COPS3: variants seen among roughly 807,000 people sequenced by gnomAD.
COPS3 encodes the protein COP9 signalosome subunit 3.
A neutral mutation model predicts 58.2 loss-of-function variants in COPS3; 10 were observed. That is an observed-to-expected ratio of 0.17 (90% CI 0.11 to 0.29). COPS3 has a LOEUF of 0.29. Among genes scored for constraint, COPS3 ranks in the 10% least tolerant of loss-of-function variants. The probability of loss-of-function intolerance (pLI) is 1.00; values close to 1 mark genes in which losing one functional copy is unlikely to be tolerated. For synonymous variants in COPS3, 187 were observed against 181.7 expected (o/e 1.03, Z -0.24); for missense variants, 333 against 510.1 (o/e 0.65, Z 3.34).
chr17:17,259,268 A>G (rs79396220), intron 8 of COPS3, among the ~76,000 whole-genome samples: 10,552 of 152,262 alleles, frequency 0.069, 463 homozygotes, highest in Middle Eastern at 0.12. Context: ...TGAACTATGC[A>G]TATCTGGCCA....
chr17:17,254,226 T>TA (rs2047911442), intron 9 of COPS3, among the ~76,000 whole-genome samples: 1 of 148,306 alleles, frequency 6.7e-6, no homozygotes, highest in Non-Finnish European at 1.5e-5. Context: ...GTGGATTACT[T>TA]AAACCCAGGG....
chr17:17,279,714 T>C (rs376766970), intron 1 of COPS3, among the ~76,000 whole-genome samples: 2 of 152,194 alleles, frequency 1.3e-5, no homozygotes, highest in East Asian at 3.8e-4. Context: ...TTTGCAGCTA[T>C]ATTTATTGCA....
At chr17:17,247,274 G>T (rs1457946794) in intron 11 of COPS3, 123 bp from the exon 12 acceptor site, 8 of 1,038,428 alleles carry the variant, frequency 7.7e-6, no homozygotes, top group African/African-American at 3.1e-5. Context: ...ACAAGGGCAG[G>T]CAATTCCAGG....
At chr17:17,271,859 C>T (rs71371201) in intron 2 of COPS3, among the ~76,000 whole-genome samples, 80,267 of 137,532 alleles carry the variant, frequency 0.58, 23,895 homozygotes, top group East Asian at 0.83. Context: ...TATATATATA[C>T]ACACATACAC....
At chr17:17,280,887 G>T in intron 1 of COPS3, 1 of 994,694 alleles carries the variant, frequency 1.0e-6, no homozygotes, top group Non-Finnish European at 1.4e-6. Context: ...CCAGGCCGGG[G>T]GGAGGGGGCT....
At chr17:17,249,142 A>T (rs376927180) in intron 9 of COPS3, 103 bp from the exon 10 acceptor site, 9 of 643,176 alleles carry the variant, frequency 1.4e-5, no homozygotes, top group African/African-American at 3.6e-5. Context: ...GGCAACATGG[A>T]TATAAATAAA....
chr17:17,247,010 C>T lies in COPS3; in HGVS notation c.*88G>A. 1 of 1,164,246 alleles carries T rather than the reference C, an allele frequency of 8.6e-7. No homozygotes were observed. The highest frequency in any genetic ancestry group is 1.3e-6 in the Non-Finnish European group (1 of 770,200). 72.1% of individuals were successfully genotyped at this position (1,164,246 alleles called of 1,614,324 possible). A position where few individuals can be genotyped will look rare whatever the true frequency, so the allele number is the denominator to read the frequency against. On this transcript the variant is annotated 3_prime_UTR_variant, in exon 12 of 12. Transcript: ENST00000268717. ...TTAATTTCTTAGTCTCCAGGTGACACAGGCTTGGTCCTCTCTGCTGCCCTC... is the reference window on the plus strand; with the variant it reads ...TTAATTTCTTAGTCTCCAGGTGACATAGGCTTGGTCCTCTCTGCTGCCCTC...
chr17:17,261,090 C>T (rs775530807), intron 7 of COPS3, among the ~76,000 whole-genome samples: 3 of 152,198 alleles, frequency 2.0e-5, no homozygotes, highest in Admixed American at 6.5e-5. Context: ...TGAAGGCACA[C>T]GTCTTCATCA....
At chr17:17,280,822 T>G in intron 1 of COPS3, 1 of 1,244,922 alleles carries the variant, frequency 8.0e-7, no homozygotes, top group Non-Finnish European at 1.0e-6. Flanking sequence ...CCGAGATGGC[T>G]CCTGGCGGAA....
chr17:17,263,480 T>G (rs2145221432), intron 6 of COPS3, among the ~76,000 whole-genome samples: 1 of 150,168 alleles, frequency 6.7e-6, no homozygotes, highest in Middle Eastern at 3.5e-3. Context: ...ATTACAGGTG[T>G]GAGCCACCTC....
intron 2 of COPS3, among the ~76,000 whole-genome samples, chr17:17,271,851 T>TATAG (rs1555620685): frequency 3.5e-5 from 5 of 142,964 alleles, no homozygotes; most frequent in South Asian, 2.1e-4. Flanking sequence ...TATATATATA[T>TATAG]ATATATACAC....
intron 6 of COPS3, among the ~76,000 whole-genome samples, chr17:17,263,994 C>T (rs1245809821): frequency 1.3e-5 from 2 of 152,184 alleles, no homozygotes; most frequent in Admixed American, 6.5e-5. Flanking sequence ...TGACTAGACA[C>T]GTGCTTTAAT....
At chr17:17,264,719 A>C (rs1185301092) in intron 6 of COPS3, 83 bp downstream of exon 6, 2 of 1,201,858 alleles carry the variant, frequency 1.7e-6, no homozygotes, top group Non-Finnish European at 2.3e-6. Context: ...CTGGGATCAG[A>C]CCACTCTAGC....
At chr17:17,259,075 A>C (rs1214486174) in intron 8 of COPS3, among the ~76,000 whole-genome samples, 3 of 152,066 alleles carry the variant, frequency 2.0e-5, no homozygotes, top group Non-Finnish European at 4.4e-5. Context: ...GGCTAGGGGA[A>C]GTCACCTCTC....
chr17:17,264,664 A>T (rs2048181881), intron 6 of COPS3, 138 bp downstream of exon 6: 1 of 645,640 alleles, frequency 1.5e-6, no homozygotes, highest in Non-Finnish European at 2.6e-6. Context: ...TTACATGATC[A>T]CAGAGAAGTA....
chr17:17,271,094 C>T lies in COPS3; in HGVS notation c.186-86G>A, dbSNP rs953847547. ...AATGTATGCAAGAAATCCATCCTGC[C>T]TCCAATACTCTGTAAAATTAAATGA... On this transcript the variant is annotated intron_variant, in intron 2 of 11. Transcript: ENST00000268717. 9 of 884,094 alleles carry T rather than the reference C, an allele frequency of 1.0e-5. No individual in the cohort carries two copies. In the East Asian group the frequency reaches 2.3e-4, roughly 23 times the overall value. The allele number at this position is 884,094 out of a possible 1,614,324, so 54.8% of individuals were successfully genotyped here. A position where few individuals can be genotyped will look rare whatever the true frequency, so the allele number is the denominator to read the frequency against.
chr17:17,265,082 A>G (rs2048191522), intron 5 of COPS3, 101 bp from the exon 6 acceptor site: 1 of 1,035,042 alleles, frequency 9.7e-7, no homozygotes, highest in Admixed American at 2.3e-5. Flanking sequence ...AAATAATGTA[A>G]TTGTGTTTTA....
chr17:17,260,339 A>G lies in COPS3; in HGVS notation c.898T>C (p.Ser300Pro). ...TGAATATTCTTCTTATAAAGAGATG[A>G]CAAGCATTGCTTCACCAGCCCCATG... The part of the protein sequence containing the change: ...NNMGLVKQCL[S>P]SLYKKNIQRL... Residue 300 changes from serine to proline, a missense_variant, in exon 8 of 12, where the codon TCA becomes CCA. Ser to Pro is a moderately conservative substitution (Grantham distance 74). Transcript: ENST00000268717. 1 of 1,614,182 alleles carries G rather than the reference A, an allele frequency of 6.2e-7. No individual in the cohort carries two copies. The highest frequency in any genetic ancestry group is 1.1e-5 in the South Asian group (1 of 91,082).
chr17:17,264,829 A>C lies in COPS3; in HGVS notation c.594T>G (p.Phe198Leu). 6.2e-7 allele frequency: 1 copy of C among 1,607,394 alleles called. No homozygotes were observed. The highest frequency in any genetic ancestry group is 1.1e-5 in the South Asian group (1 of 89,886). Residue 198 changes from phenylalanine (F) to leucine (L), a missense_variant, in exon 6 of 12, where the codon TTT (phenylalanine) becomes TTG (leucine). Physicochemically the swap from Phe to Leu is conservative, Grantham distance 22. Transcript: ENST00000268717. Reference protein sequence around the residue: ...GGMIYTGLKNFERALYFYEQA... With the variant: ...GGMIYTGLKNLERALYFYEQA... ...GTTCATAAAAGTAGAGAGCTCTTTC[A>C]AAGTTCTTCAGCCCAGTATAGATCA...
Sources: gnomAD v4.1 joint callset for allele counts (sites outside exome capture counted in the v4.1 genomes callset) on GRCh38, gnomAD v4.1.1 for gene constraint, MANE v1.5 for transcripts, NCBI Gene and HGNC (gene_info 2026-07-23, HGNC 2026-07-21) for gene names.